Variants in FKBP1B observed in about 807,000 individuals in gnomAD.
The protein encoded by FKBP1B is FKBP prolyl isomerase 1B.
A neutral mutation model predicts 13.5 loss-of-function variants in FKBP1B; 4 were observed. The ratio of observed to expected loss-of-function variants is 0.30; its 90% CI spans 0.15 to 0.68. The LOEUF (loss-of-function observed/expected upper bound fraction) is 0.68, where lower values mean the gene tolerates loss of function less well. Among genes scored for constraint, FKBP1B ranks in the 30% least tolerant of loss-of-function variants. FKBP1B has a pLI of 0.76. For missense variants in FKBP1B, 93 were observed against 136.2 expected (o/e 0.68, Z 1.58); for synonymous variants, 54 against 53.6 (o/e 1.01, Z -0.03).
intron 2 of FKBP1B, among the ~76,000 whole-genome samples, chr2:24,056,170 A>G (rs1435256104): frequency 6.7e-6 from 1 of 149,766 alleles, no homozygotes; most frequent in East Asian, 2.0e-4. Flanking sequence ...TTGTGTTTCT[A>G]GTAGAGACGG....
chr2:24,049,964 G>A, intron 1 of FKBP1B, 78 bp downstream of exon 1: 1 of 1,225,134 alleles, frequency 8.2e-7, no homozygotes, highest in Non-Finnish European at 1.1e-6. Flanking sequence ...TGATTCGGAG[G>A]TGGCGTGGAG....
At chr2:24,060,192 A>C (rs895586033) in intron 2 of FKBP1B, among the ~76,000 whole-genome samples, 7 of 152,204 alleles carry the variant, frequency 4.6e-5, no homozygotes, top group African/African-American at 1.4e-4. Flanking sequence ...AGGATCAAAA[A>C]GACCAGTTAG....
At chr2:24,061,975 T>A (rs966503879) in intron 3 of FKBP1B, among the ~76,000 whole-genome samples, 61 of 152,210 alleles carry the variant, frequency 4.0e-4, no homozygotes, top group African/African-American at 1.5e-3. Context: ...GTTCACGCCA[T>A]TCTTCTGCCT....
chr2:24,039,005 A>G, the FKBP1B span: 1 of 1,614,236 alleles, frequency 6.2e-7, no homozygotes, highest in Non-Finnish European at 8.5e-7. Context: ...TCCTGGGTCC[A>G]ACATGCACAG....
the FKBP1B span, among the ~76,000 whole-genome samples, chr2:24,036,951 T>A: frequency 1.3e-5 from 2 of 152,262 alleles, no homozygotes; most frequent in Non-Finnish European, 2.9e-5. Flanking sequence ...TAAAAACATG[T>A]ATAATATGAT....
intron 2 of FKBP1B, among the ~76,000 whole-genome samples, chr2:24,055,198 T>C (rs992087040): frequency 2.7e-5 from 4 of 150,782 alleles, no homozygotes; most frequent in Admixed American, 1.3e-4. Context: ...GTTTTTCTTT[T>C]TTTTTTTTTT....
chr2:24,038,295 T>G, the FKBP1B span: 1 of 1,614,200 alleles, frequency 6.2e-7, no homozygotes, highest in Non-Finnish European at 8.5e-7. Flanking sequence ...CTACCAAAAT[T>G]AGTAATAGTT....
At chr2:24,033,659 T>C in the FKBP1B span, among the ~76,000 whole-genome samples, 2 of 152,160 alleles carry the variant, frequency 1.3e-5, no homozygotes, top group African/African-American at 2.4e-5. Context: ...GAGAATCACT[T>C]GAACCCAGGA....
chr2:24,063,395 G>C lies in FKBP1B; in HGVS notation c.*203G>C, dbSNP rs1664491848. 1.9e-6 allele frequency: 1 copy of C among 517,898 alleles called. No homozygotes were observed. The highest frequency in any genetic ancestry group is 3.4e-5 in the South Asian group (1 of 29,064). 32.1% of individuals were successfully genotyped at this position (517,898 alleles called of 1,614,324 possible). On this transcript the variant is annotated 3_prime_UTR_variant, in exon 4 of 4. Coordinates refer to ENST00000380986, the MANE Select transcript of FKBP1B (RefSeq NM_004116.5). ...CGAATTCTTGCTTGAGGAAACTTCG[G>C]TTGCAGATTGAAGCATTTCAGGTTG...
rs1663831745 is a variant in FKBP1B at position 24,050,788 on chromosome 2, T to TC, written c.37+906dup. Among the ~76,000 whole-genome samples the TC allele has an allele frequency of 6.6e-6, 1 of 152,184 alleles. No homozygotes were observed. Among genetic ancestry groups the TC allele is most frequent in the East Asian group, 1.9e-4 (1 of 5,194 alleles). On this transcript the variant is annotated intron_variant, in intron 1 of 3. Coordinates refer to ENST00000380986, the MANE Select transcript of FKBP1B (RefSeq NM_004116.5). This position sits in a 1 kb window ranked among gnomAD's most constrained non-coding sequence, Gnocchi z 5.8. ...ATATTATTAATATGAACAGCTCCCCTCCCCAGGAAATTGGATAACTTCTTG... is the reference window on the plus strand; with the variant it reads ...ATATTATTAATATGAACAGCTCCCCTCCCCCAGGAAATTGGATAACTTCTTG...
the FKBP1B span, chr2:24,038,174 A>T: frequency 6.8e-6 from 11 of 1,614,074 alleles, no homozygotes; most frequent in Non-Finnish European, 4.2e-6. Context: ...CTTTCACCTG[A>T]TGTTATTGAA....
In FKBP1B at chr2:24,063,153, C is replaced by T. The variant is rs1229726459; in HGVS notation, c.288C>T (p.Ala96=). Residue 96 remains alanine (A), a synonymous_variant, in exon 4 of 4, where the codon GCC becomes GCT. Transcript: ENST00000380986. ...ACCCCGGTGTCATCCCTCCCAATGCCACCCTCATCTTTGACGTGGAGCTGC... is the reference window on the plus strand; with the variant it reads ...ACCCCGGTGTCATCCCTCCCAATGCTACCCTCATCTTTGACGTGGAGCTGC... ...TGHPGVIPPN[A]TLIFDVELLN... 2.5e-6 allele frequency: 4 copies of T among 1,610,806 alleles called. No homozygotes were observed. Among genetic ancestry groups the T allele is most frequent in the Non-Finnish European group, 3.4e-6 (4 of 1,178,636 alleles).
chr2:24,037,874 G>A, the FKBP1B span: 4 of 1,614,136 alleles, frequency 2.5e-6, no homozygotes, highest in African/African-American at 1.3e-5. Context: ...TGAGGCAAAC[G>A]AGGAGGCTCC....
Position 24,063,156 on chromosome 2 carries a change from C to A in FKBP1B, c.291C>A (p.Thr97=), listed in dbSNP as rs1434301528. 2 of 1,609,838 alleles carry A rather than the reference C, an allele frequency of 1.2e-6. No individual in the cohort carries two copies. The highest frequency in any genetic ancestry group is 2.7e-5 in the African/African-American group (2 of 74,760). The change falls in exon 4 of 4, where the codon ACC becomes ACA. Residue 97 remains threonine, a synonymous_variant. Transcript: ENST00000380986. ...CCGGTGTCATCCCTCCCAATGCCAC[C>A]CTCATCTTTGACGTGGAGCTGCTCA... ...GHPGVIPPNA[T]LIFDVELLNL...
the FKBP1B span, among the ~76,000 whole-genome samples, chr2:24,037,427 G>A: frequency 6.6e-6 from 1 of 152,172 alleles, no homozygotes; most frequent in Non-Finnish European, 1.5e-5. Context: ...GCCCGAATTA[G>A]TGCAGACATT....
At chr2:24,039,742 A>C in the FKBP1B span, among the ~76,000 whole-genome samples, 10 of 152,210 alleles carry the variant, frequency 6.6e-5, no homozygotes, top group Non-Finnish European at 1.2e-4. Flanking sequence ...GATTTTTAGA[A>C]CTGGGGAAAT....
At chr2:24,056,177 A>G (rs954563067) in intron 2 of FKBP1B, among the ~76,000 whole-genome samples, 1 of 151,302 alleles carries the variant, frequency 6.6e-6, no homozygotes, top group Non-Finnish European at 1.5e-5. Flanking sequence ...TCTAGTAGAG[A>G]CGGTGTTTCA....
intron 2 of FKBP1B, among the ~76,000 whole-genome samples, chr2:24,059,524 C>A (rs1262622652): frequency 6.6e-6 from 1 of 152,012 alleles, no homozygotes; most frequent in Non-Finnish European, 1.5e-5. Context: ...ACCTTAGGAA[C>A]CTTATGCGAG....
chr2:24,053,287 AT>A (rs34185660), intron 1 of FKBP1B, among the ~76,000 whole-genome samples: 30,564 of 110,072 alleles, frequency 0.28, 4,120 homozygotes, highest in African/African-American at 0.39. Context: ...AATTGAAAAG[AT>A]TTTTTTTTTT....
Sources: allele counts gnomAD v4.1 joint callset (sites outside exome capture counted in the v4.1 genomes callset), GRCh38; gene constraint gnomAD v4.1.1; non-coding constraint Gnocchi (gnomAD v3.1); transcripts MANE v1.5; gene names NCBI Gene and HGNC (gene_info 2026-07-23, HGNC 2026-07-21).